TMEM131: variants seen among roughly 807,000 people sequenced by gnomAD.
TMEM131 encodes the protein transmembrane protein 131, also known as 2610524E03Rik.
TMEM131 carries 66 observed loss-of-function variants against 211.6 expected under a neutral mutation model. The observed-to-expected ratio is 0.31, with a 90% confidence interval of 0.26 to 0.38. The LOEUF (loss-of-function observed/expected upper bound fraction) is 0.38. Among genes scored for constraint, TMEM131 ranks in the 10% least tolerant of loss-of-function variants. TMEM131 has a pLI of 1.00. For missense variants in TMEM131, 2,036 were observed against 2,299.3 expected (o/e 0.89, Z 2.34); for synonymous variants, 844 against 841.3 (o/e 1.00, Z -0.06).
At chr2:97,827,713 C>CT (rs1387785248) in intron 11 of TMEM131, among the ~76,000 whole-genome samples, 1 of 151,268 alleles carries the variant, frequency 6.6e-6, no homozygotes, top group Non-Finnish European at 1.5e-5. Flanking sequence ...AGTGTAAATG[C>CT]TTTTTTTTAA....
chr2:97,793,067 A>T, intron 30 of TMEM131, 83 bp from the exon 31 acceptor site: 1 of 1,015,960 alleles, frequency 9.8e-7, no homozygotes, highest in Non-Finnish European at 1.4e-6. Flanking sequence ...TCATCAGTAC[A>T]GCCACCATAA....
At chr2:97,767,765 T>C (rs764074968) in intron 33 of TMEM131, among the ~76,000 whole-genome samples, 2 of 152,212 alleles carry the variant, frequency 1.3e-5, no homozygotes, top group Admixed American at 6.5e-5. Flanking sequence ...CCCTCAAGTG[T>C]GTGATACTAC....
At chr2:97,778,543 T>C (rs558036024) in intron 31 of TMEM131, among the ~76,000 whole-genome samples, 24 of 151,506 alleles carry the variant, frequency 1.6e-4, no homozygotes, top group African/African-American at 5.6e-4. Context: ...AGAGCAAGAC[T>C]TCATCTCAAA....
At position 97,792,857 on chromosome 2, in the gene TMEM131, T is replaced by G. The variant is rs1680569352; in HGVS notation, c.3673A>C (p.Ser1225Arg). Residue 1225 changes from serine to arginine, a missense_variant, in exon 31 of 41, where the codon AGC becomes CGC. Coordinates refer to ENST00000186436, the MANE Select transcript of TMEM131 (RefSeq NM_015348.2). ...GPSVHPHSSH[S>R]NRNSADVENV... Reference sequence around the variant, plus strand: ...TCCACGTCAGCTGAGTTTCTATTGCTGTGACTGCTGTGTGGGTGGACCGAT... The same window carrying G: ...TCCACGTCAGCTGAGTTTCTATTGCGGTGACTGCTGTGTGGGTGGACCGAT... 7 of 1,613,888 alleles carry G rather than the reference T, an allele frequency of 4.3e-6. No individual in the cohort carries two copies. Among genetic ancestry groups the G allele is most frequent in the Non-Finnish European group, 5.9e-6 (7 of 1,179,884 alleles).
chr2:97,770,784 T>C (rs1450216691), intron 33 of TMEM131, among the ~76,000 whole-genome samples: 1 of 152,232 alleles, frequency 6.6e-6, no homozygotes, highest in African/African-American at 2.4e-5. Flanking sequence ...ACCTCTAAGA[T>C]AATTCTTAGA....
At chr2:97,808,800 T>C (rs1039965361) in intron 19 of TMEM131, among the ~76,000 whole-genome samples, 1 of 152,096 alleles carries the variant, frequency 6.6e-6, no homozygotes, top group Non-Finnish European at 1.5e-5. Flanking sequence ...GGATCACACA[T>C]GAAACAACCA....
intron 3 of TMEM131, 113 bp from the exon 4 acceptor site, chr2:97,888,233 G>T (rs935207798): frequency 2.4e-5 from 18 of 740,318 alleles, no homozygotes; most frequent in Admixed American, 1.5e-4. Flanking sequence ...AGAAAAATTG[G>T]GTCTAACAAT....
intron 31 of TMEM131, among the ~76,000 whole-genome samples, chr2:97,778,380 A>G (rs553520356): frequency 1.3e-5 from 2 of 152,110 alleles, no homozygotes; most frequent in Non-Finnish European, 2.9e-5. Flanking sequence ...ATGAAACCTC[A>G]TCTCTACTAA....
At chr2:97,852,464 T>C (rs1020602780) in intron 5 of TMEM131, among the ~76,000 whole-genome samples, 2 of 152,186 alleles carry the variant, frequency 1.3e-5, no homozygotes, top group Non-Finnish European at 2.9e-5. Context: ...GGCCTTGCCA[T>C]ACCATTCTCT....
chr2:97,838,322 A>G (rs112796475), intron 7 of TMEM131, among the ~76,000 whole-genome samples: 1 of 152,018 alleles, frequency 6.6e-6, no homozygotes, highest in African/African-American at 2.4e-5. Flanking sequence ...TTTGGGGTGA[A>G]GTATGAGAAT....
intron 35 of TMEM131, chr2:97,763,728 G>C (rs78845616): frequency 6.6e-6 from 1 of 152,374 alleles, no homozygotes; most frequent in South Asian, 2.1e-4. Flanking sequence ...GCTCCGTTTT[G>C]TGTGCGCTCG....
intron 5 of TMEM131, among the ~76,000 whole-genome samples, chr2:97,849,560 A>G (rs752035221): frequency 7.2e-5 from 11 of 152,102 alleles, no homozygotes; most frequent in Non-Finnish European, 1.6e-4. Flanking sequence ...ATATGACCTT[A>G]TGGGTTTGTC....
Position 97,953,165 on chromosome 2 carries a change from C to T in TMEM131, c.188-25678G>A, listed in dbSNP as rs553647261. Among the ~76,000 whole-genome samples, 25 of 152,162 alleles carry T rather than the reference C, an allele frequency of 1.6e-4. No individual in the cohort carries two copies. The South Asian group carries it at 4.6e-3, about 28-fold the overall frequency. On this transcript the variant is annotated intron_variant, in intron 1 of 40. Transcript: ENST00000186436. ...CATCAAGTTTCTTAAATCATACTGA[C>T]GGTTAAAACAAACTTAACATCTGCT...
At chr2:97,844,856 G>A (rs1056555995) in intron 5 of TMEM131, among the ~76,000 whole-genome samples, 1 of 152,124 alleles carries the variant, frequency 6.6e-6, no homozygotes, top group African/African-American at 2.4e-5. Context: ...TCAAGAGACT[G>A]AAATTGCGGT....
chr2:97,842,469 A>AACTT (rs1201476171), intron 6 of TMEM131, among the ~76,000 whole-genome samples: 6 of 152,208 alleles, frequency 3.9e-5, no homozygotes, highest in African/African-American at 1.4e-4. Flanking sequence ...GGTCTCATGA[A>AACTT]ACTTACATCG....
intron 25 of TMEM131, among the ~76,000 whole-genome samples, chr2:97,799,963 A>T (rs898853801): frequency 6.6e-6 from 1 of 152,218 alleles, no homozygotes; most frequent in African/African-American, 2.4e-5. Flanking sequence ...ATTAAAAAAA[A>T]TCCATTCTCC....
At chr2:97,798,429 G>A (rs934901734) in intron 25 of TMEM131, among the ~76,000 whole-genome samples, 5 of 152,312 alleles carry the variant, frequency 3.3e-5, no homozygotes, top group African/African-American at 9.6e-5. Flanking sequence ...GGCATAGATC[G>A]GTGTGTGTTT....
intron 3 of TMEM131, among the ~76,000 whole-genome samples, chr2:97,901,647 C>T (rs763102323): frequency 6.6e-6 from 1 of 152,036 alleles, no homozygotes; most frequent in Non-Finnish European, 1.5e-5. Flanking sequence ...ATAGATGGAA[C>T]TGGAGTTTAT....
chr2:97,961,738 C>T (rs1276231041), intron 1 of TMEM131, among the ~76,000 whole-genome samples: 2 of 152,102 alleles, frequency 1.3e-5, no homozygotes, highest in Admixed American at 6.5e-5. Flanking sequence ...AATACATGGT[C>T]AACTGAGTTT....
Sources: gnomAD v4.1 joint callset for allele counts (sites outside exome capture counted in the v4.1 genomes callset) on GRCh38, gnomAD v4.1.1 for gene constraint, MANE v1.5 for transcripts, NCBI Gene and HGNC (gene_info 2026-07-23, HGNC 2026-07-21) for gene names.